The following TBX4 variants were observed in gnomAD, a reference collection of about 807,000 sequenced individuals.
TBX4 encodes the protein T-box transcription factor TBX4.
A neutral mutation model predicts 54.6 loss-of-function variants in TBX4; 13 were observed. That is an observed-to-expected ratio of 0.24 (90% CI 0.15 to 0.38). The LOEUF (loss-of-function observed/expected upper bound fraction) is 0.38, where lower values mean the gene tolerates loss of function less well. Among genes scored for constraint, TBX4 ranks in the 10% least tolerant of loss-of-function variants. The probability of loss-of-function intolerance (pLI) is 1.00; values close to 1 mark genes in which losing one functional copy is unlikely to be tolerated. For synonymous variants in TBX4, 314 were observed against 306.7 expected (o/e 1.02, Z -0.25); for missense variants, 631 against 728.5 (o/e 0.87, Z 1.54).
intron 5 of TBX4, among the ~76,000 whole-genome samples, chr17:61,469,229 T>C (rs1415917103): frequency 6.6e-6 from 1 of 152,180 alleles, no homozygotes; most frequent in Non-Finnish European, 1.5e-5. Context: ...CTGCGCCTTC[T>C]TTAGGAAGTG....
chr17:61,480,237 C>T lies in TBX4; in HGVS notation c.939C>T (p.Leu313=), dbSNP rs777644345. The stretch of plus-strand genomic sequence containing the variant: ...ACGAGAACGGGGCACACTCACAGCT[C>T]GCGGAGCCGCAGGACCTGCCCCTCA... ...YQHENGAHSQ[L]AEPQDLPLST... The change falls in exon 8 of 9, where the codon CTC becomes CTT. Residue 313 remains leucine, a synonymous_variant. Transcript: ENST00000644296. This position sits in a 1 kb window ranked among gnomAD's most constrained non-coding sequence, Gnocchi z 6.2. 3.7e-6 allele frequency: 6 copies of T among 1,613,982 alleles called. No individual in the cohort carries two copies. The highest frequency in any genetic ancestry group is 2.2e-5 in the East Asian group (1 of 44,886).
At position 61,457,421 on chromosome 17, in the gene TBX4, T is replaced by C; in HGVS notation, c.187-116T>C. The stretch of plus-strand genomic sequence containing the variant: ...TTCTGTGAAACGAAATCTGGAGCCA[T>C]GGGCTCCGGGCGGGCAGGGTTCCGC... On this transcript the variant is annotated intron_variant, in intron 2 of 8. Coordinates refer to ENST00000644296, the MANE Select transcript of TBX4 (RefSeq NM_001321120.2). The surrounding 1 kb of genome is among the most constrained non-coding windows in gnomAD (Gnocchi z 8.2). The C allele has an allele frequency of 2.3e-6, 2 of 871,034 alleles. No homozygotes were observed. The highest frequency in any genetic ancestry group is 1.9e-6 in the Non-Finnish European group (1 of 520,510). The allele number at this position is 871,034 out of a possible 1,614,324, so 54.0% of individuals were successfully genotyped here. A position where few individuals can be genotyped will look rare whatever the true frequency, so the allele number is the denominator to read the frequency against.
rs1472274192 is a variant in TBX4, at chr17:61,464,269, A to G, written c.282-1550A>G. On this transcript the variant is annotated intron_variant, in intron 3 of 8. Transcript: ENST00000644296. This position sits in a 1 kb window ranked among gnomAD's most constrained non-coding sequence, Gnocchi z 5.8. ...TGCTTGCACAGGCCTCTCCTCCAGCAAGAGAGGGGCACAGGCGGGGCTGGG... is the reference window on the plus strand; with the variant it reads ...TGCTTGCACAGGCCTCTCCTCCAGCGAGAGAGGGGCACAGGCGGGGCTGGG... The G allele has an allele frequency of 6.6e-6, 1 of 152,308 alleles. No homozygotes were observed. Among genetic ancestry groups the G allele is most frequent in the African/African-American group, 2.4e-5 (1 of 41,462 alleles). The allele number at this position is 152,308 out of a possible 1,614,324, so 9.4% of individuals were successfully genotyped here. A position where few individuals can be genotyped will look rare whatever the true frequency, so the allele number is the denominator to read the frequency against.
Position 61,479,763 on chromosome 17 carries a change from G to A in TBX4, c.703-118G>A, listed in dbSNP as rs2060649977. 2 of 1,076,164 alleles carry A rather than the reference G, an allele frequency of 1.9e-6. No homozygotes were observed. The highest frequency in any genetic ancestry group is 1.3e-5 in the South Asian group (1 of 77,772). The allele number at this position is 1,076,164 out of a possible 1,614,324, so 66.7% of individuals were successfully genotyped here. On this transcript the variant is annotated intron_variant, in intron 6 of 8. Coordinates refer to ENST00000644296, the MANE Select transcript of TBX4 (RefSeq NM_001321120.2). The surrounding 1 kb of genome is among the most constrained non-coding windows in gnomAD (Gnocchi z 6.1). ...AAGGAGGGTAGTGAGAAGCGGTGAGGCTGGAGAGCGACCCCTGAGGGAGGG... is the reference window on the plus strand; with the variant it reads ...AAGGAGGGTAGTGAGAAGCGGTGAGACTGGAGAGCGACCCCTGAGGGAGGG...
rs1322350189 is a variant in TBX4, at chr17:61,484,968, ATAT to A, written c.*1453_*1455del. ...TAAATATATATATATATATATATATATATAAACACACACACACTACAGATAAGG... is the reference window on the plus strand; with the variant it reads ...TAAATATATATATATATATATATATAAAACACACACACACTACAGATAAGG... On this transcript the variant is annotated 3_prime_UTR_variant, in exon 9 of 9. Transcript: ENST00000644296. This position sits in a 1 kb window ranked among gnomAD's most constrained non-coding sequence, Gnocchi z 4.1. 2 of 148,126 alleles carry A rather than the reference ATAT, an allele frequency of 1.4e-5. No homozygotes were observed. Among genetic ancestry groups the A allele is most frequent in the Non-Finnish European group, 3.0e-5 (2 of 67,140 alleles). The allele number at this position is 148,126 out of a possible 1,614,324, so 9.2% of individuals were successfully genotyped here.
rs1360531261 is a variant in TBX4, at chr17:61,481,243, T to G, written c.1021+924T>G. On this transcript the variant is annotated intron_variant, in intron 8 of 8. Coordinates refer to ENST00000644296, the MANE Select transcript of TBX4 (RefSeq NM_001321120.2). This position sits in a 1 kb window ranked among gnomAD's most constrained non-coding sequence, Gnocchi z 4.8. ...TGAAAAAAATCAAAAGAATATTTCA[T>G]GAGATGTGAGCATTATGTGAAATTA... 1 of 145,124 alleles carries G rather than the reference T, an allele frequency of 6.9e-6. No individual in the cohort carries two copies. Among genetic ancestry groups the G allele is most frequent in the Non-Finnish European group, 1.6e-5 (1 of 64,396 alleles). The allele number at this position is 145,124 out of a possible 1,614,324, so 9.0% of individuals were successfully genotyped here. A position where few individuals can be genotyped will look rare whatever the true frequency, so the allele number is the denominator to read the frequency against.
chr17:61,461,369 AGGT>A lies in TBX4; in HGVS notation c.281+3741_281+3743del, dbSNP rs2060493033. On this transcript the variant is annotated intron_variant, in intron 3 of 8. Transcript: ENST00000644296. This position sits in a 1 kb window ranked among gnomAD's most constrained non-coding sequence, Gnocchi z 5.1. Reference sequence around the variant, plus strand: ...GCTACAGAAGGCTTGGTCTCAGTGTAGGTGGCACCAGCAGCCCCACTCCTAACC... The same window carrying A: ...GCTACAGAAGGCTTGGTCTCAGTGTAGGCACCAGCAGCCCCACTCCTAACC... Among the ~76,000 whole-genome samples, 1 of 152,222 alleles carries A rather than the reference AGGT, an allele frequency of 6.6e-6. No individual in the cohort carries two copies. Among genetic ancestry groups the A allele is most frequent in the Non-Finnish European group, 1.5e-5 (1 of 68,032 alleles).
At chr17:61,466,892 A>G (rs1487259712) in intron 4 of TBX4, among the ~76,000 whole-genome samples, 1 of 152,172 alleles carries the variant, frequency 6.6e-6, no homozygotes, top group East Asian at 1.9e-4. Flanking sequence ...GTAGCGGCTC[A>G]TATCTGTAAT....
At position 61,465,996 on chromosome 17, in the gene TBX4, C is replaced by T. The variant is rs1454116538; in HGVS notation, c.401+58C>T. 6.8e-6 allele frequency: 11 copies of T among 1,609,238 alleles called. No individual in the cohort carries two copies. The African/African-American group carries it at 1.2e-4, about 18-fold the overall frequency. ...CCTCAACTGCCCACTTGCCACGCCC[C>T]CACCTAGTGTTTTGTCCGGGGGATT... On this transcript the variant is annotated intron_variant, in intron 4 of 8. Transcript: ENST00000644296. The surrounding 1 kb of genome is among the most constrained non-coding windows in gnomAD (Gnocchi z 4.9).
At chr17:61,453,259 G>C (rs1344244670) in intron 1 of TBX4, among the ~76,000 whole-genome samples, 2 of 152,112 alleles carry the variant, frequency 1.3e-5, no homozygotes. Context: ...ACAATGTAAG[G>C]ACTGTTTATT....
In TBX4 at chr17:61,467,536, C is replaced by T; in HGVS notation, c.428C>T (p.Ala143Val). Reference protein sequence around the residue: ...KWMVAGKAEPAMPGRLYVHPD... With the variant: ...KWMVAGKAEPVMPGRLYVHPD... ...ATGGTGGCAGGGAAGGCTGAGCCAG[C>T]CATGCCAGGAAGGCTGTATGTCCAC... Residue 143 changes from alanine to valine, a missense_variant, in exon 5 of 9, where the codon GCC (alanine) becomes GTC (valine). By Grantham distance (64) the Ala-to-Val change is moderately conservative (BLOSUM62 0). Around this residue, in one of 3 missense-constraint regions of TBX4, gnomAD observed 154 missense variants for 238.6 expected, o/e 0.65. Transcript: ENST00000644296. 6.2e-7 allele frequency: 1 copy of T among 1,614,176 alleles called. No homozygotes were observed. The highest frequency in any genetic ancestry group is 2.2e-5 in the East Asian group (1 of 44,884).
Position 61,476,264 on chromosome 17 carries a change from C to A in TBX4, c.550-2363C>A, listed in dbSNP as rs1212592375. On this transcript the variant is annotated intron_variant, in intron 5 of 8. Transcript: ENST00000644296. This position sits in a 1 kb window ranked among gnomAD's most constrained non-coding sequence, Gnocchi z 6.5. The stretch of plus-strand genomic sequence containing the variant: ...TGGGCGTTCAGAGCAGGCCCTTGTA[C>A]CTGAGACTTCCTGGAAGATCTGGGT... Among the ~76,000 whole-genome samples the A allele has an allele frequency of 6.6e-6, 1 of 152,196 alleles. No individual in the cohort carries two copies. Among genetic ancestry groups the A allele is most frequent in the Non-Finnish European group, 1.5e-5 (1 of 68,024 alleles).
rs115608803 is a variant in TBX4 at position 61,457,689 on chromosome 17, A to G, written c.281+58A>G. ...CGGTGGGGAGCAAGGGGGGCCAGGG[A>G]GGTCCCTTAGAAGTCCTCTCGGCCC... is the stretch of plus-strand genomic sequence containing the variant. On this transcript the variant is annotated intron_variant, in intron 3 of 8. Transcript: ENST00000644296. This position sits in a 1 kb window ranked among gnomAD's most constrained non-coding sequence, Gnocchi z 8.2. 4,045 of 1,551,010 alleles carry G rather than the reference A, an allele frequency of 2.6e-3. 82 individuals are homozygous for G. The African/African-American group carries it at 0.047, about 18-fold the overall frequency.
At position 61,471,049 on chromosome 17, in the gene TBX4, A is replaced by G. The variant is rs763762694; in HGVS notation, c.549+3392A>G. Among the ~76,000 whole-genome samples the G allele has an allele frequency of 2.0e-5, 3 of 152,186 alleles. No individual in the cohort carries two copies. In the South Asian group the frequency reaches 6.2e-4, roughly 31 times the overall value. On this transcript the variant is annotated intron_variant, in intron 5 of 8. Coordinates refer to ENST00000644296, the MANE Select transcript of TBX4 (RefSeq NM_001321120.2). ...TATGATTTCTGACGCAGTGAGTCCA[A>G]CTGTTGGAGGGGCTGCATTAGCCCC...
chr17:61,467,749 C>G (rs773146467), intron 5 of TBX4, 92 bp downstream of exon 5: 1 of 1,517,566 alleles, frequency 6.6e-7, no homozygotes, highest in African/African-American at 1.4e-5. Flanking sequence ...GAATCCACTC[C>G]GGGATCCAGC....
At chr17:61,482,855 C>G in intron 8 of TBX4, 42 bp from the exon 9 acceptor site, 1 of 1,607,812 alleles carries the variant, frequency 6.2e-7, no homozygotes, top group Non-Finnish European at 8.5e-7. Flanking sequence ...GGGGCCTGGG[C>G]TGGTGGAAAT....
chr17:61,471,270 C>T (rs186985497), intron 5 of TBX4, among the ~76,000 whole-genome samples: 144 of 152,380 alleles, frequency 9.5e-4, no homozygotes, highest in Admixed American at 3.5e-3. Context: ...AGCTCAAATG[C>T]ACCTTCTTCA....
rs1450607724 is a variant in TBX4 at position 61,480,190 on chromosome 17, C to G, written c.892C>G (p.Gln298Glu). The change falls in exon 8 of 9, where the codon CAG (glutamine) becomes GAG (glutamate). Residue 298 changes from glutamine to glutamate, a missense_variant. By Grantham distance (29) the Gln-to-Glu change is conservative. Around this residue, in one of 3 missense-constraint regions of TBX4, gnomAD observed 354 missense variants for 368.9 expected, o/e 0.96. Coordinates refer to ENST00000644296, the MANE Select transcript of TBX4 (RefSeq NM_001321120.2). This position sits in a 1 kb window ranked among gnomAD's most constrained non-coding sequence, Gnocchi z 6.2. The part of the protein sequence containing the change: ...PDVGPLLGTH[Q>E]ALQHYQHENG... Reference sequence around the variant, plus strand: ...CGTGGGCCCCCTGCTCGGCACCCACCAGGCACTCCAGCACTACCAGCACGA... The same window carrying G: ...CGTGGGCCCCCTGCTCGGCACCCACGAGGCACTCCAGCACTACCAGCACGA... 1.2e-6 allele frequency: 2 copies of G among 1,614,188 alleles called. No individual in the cohort carries two copies. Among genetic ancestry groups the G allele is most frequent in the South Asian group, 2.2e-5 (2 of 91,082 alleles).
At chr17:61,468,086 G>A (rs1487188082) in intron 5 of TBX4, among the ~76,000 whole-genome samples, 1 of 152,234 alleles carries the variant, frequency 6.6e-6, no homozygotes, top group East Asian at 1.9e-4. Context: ...TAACACAAGA[G>A]GGGTAAGCCT....
Sources: allele counts gnomAD v4.1 joint callset (sites outside exome capture counted in the v4.1 genomes callset), GRCh38; gene constraint gnomAD v4.1.1; regional missense constraint gnomAD v4.1.1; non-coding constraint Gnocchi (gnomAD v3.1); transcripts MANE v1.5; gene names NCBI Gene and HGNC (gene_info 2026-07-23, HGNC 2026-07-21).